Variants in PDE8A observed in about 807,000 individuals in gnomAD.
PDE8A encodes phosphodiesterase 8A.
A neutral mutation model predicts 105.0 loss-of-function variants in PDE8A; 59 were observed. That is an observed-to-expected ratio of 0.56 (90% confidence interval 0.46 to 0.70). The LOEUF (loss-of-function observed/expected upper bound fraction) is 0.70, where lower values mean the gene tolerates loss of function less well. Ranked by LOEUF, PDE8A falls within the 30% of genes least tolerant of loss-of-function variation. The probability of loss-of-function intolerance (pLI) is 0.00; values close to 1 mark genes in which losing one functional copy is unlikely to be tolerated. For missense variants in PDE8A, 1,014 were observed against 1,045.9 expected (o/e 0.97, Z 0.42); for synonymous variants, 355 against 371.9 (o/e 0.95, Z 0.52).
intron 1 of PDE8A, among the ~76,000 whole-genome samples, chr15:85,054,883 ATTC>A (rs966036889): frequency 6.6e-6 from 1 of 151,836 alleles, no homozygotes; most frequent in African/African-American, 2.4e-5. Context: ...TGCTTCTCTA[ATTC>A]TTCTATTTGT....
Position 84,993,282 on chromosome 15 carries a change from A to G in PDE8A, c.186+10934A>G, listed in dbSNP as rs181361991. ...CACGGTGAAACCCCGTCTCTTCTAA[A>G]AATACAAAAAATTAGCCGGGTGTGG... is the stretch of plus-strand genomic sequence containing the variant. On this transcript the variant is annotated intron_variant, in intron 1 of 21. Transcript: ENST00000394553. Among the ~76,000 whole-genome samples the G allele has an allele frequency of 4.8e-3, 730 of 151,992 alleles. 17 individuals are homozygous for G. The East Asian group carries it at 0.075, about 16-fold the overall frequency.
intron 2 of PDE8A, among the ~76,000 whole-genome samples, chr15:85,066,403 A>C (rs996163501): frequency 6.6e-6 from 1 of 152,010 alleles, no homozygotes; most frequent in African/African-American, 2.4e-5. Context: ...TCTACTGAAA[A>C]TACAAAAATT....
intron 1 of PDE8A, among the ~76,000 whole-genome samples, chr15:85,035,134 C>G (rs1394941584): frequency 6.7e-6 from 1 of 148,444 alleles, no homozygotes; most frequent in Non-Finnish European, 1.5e-5. Flanking sequence ...CTGAGCAACT[C>G]AAAACCTGGT....
intron 1 of PDE8A, among the ~76,000 whole-genome samples, chr15:85,040,773 A>T (rs960791897): frequency 6.6e-6 from 1 of 151,812 alleles, no homozygotes; most frequent in East Asian, 2.0e-4. Flanking sequence ...GTTAGCCAGG[A>T]TGGTCTCGAT....
intron 1 of PDE8A, among the ~76,000 whole-genome samples, chr15:84,983,956 A>C (rs1337719629): frequency 2.0e-5 from 3 of 152,240 alleles, no homozygotes; most frequent in Non-Finnish European, 4.4e-5. Context: ...TACTTACTTC[A>C]ACCATTCTTC....
At chr15:85,018,767 T>C (rs1039623309) in intron 1 of PDE8A, among the ~76,000 whole-genome samples, 18 of 152,182 alleles carry the variant, frequency 1.2e-4, no homozygotes, top group African/African-American at 4.3e-4. Flanking sequence ...GGATGACAAA[T>C]AGCAAGTTGT....
intron 5 of PDE8A, among the ~76,000 whole-genome samples, chr15:85,078,407 A>G (rs1272834869): frequency 1.3e-5 from 2 of 151,974 alleles, no homozygotes; most frequent in African/African-American, 4.8e-5. Flanking sequence ...TTAGCTGGGC[A>G]TGGTGGTGCA....
chr15:85,064,552 T>G (rs537535316), intron 2 of PDE8A, 126 bp downstream of exon 2: 325 of 644,160 alleles, frequency 5.0e-4, no homozygotes, highest in Middle Eastern at 2.8e-3. Context: ...AATGTTAAAT[T>G]CCCTGAACTC....
chr15:85,014,391 T>G (rs747556822), intron 1 of PDE8A, among the ~76,000 whole-genome samples: 13 of 152,274 alleles, frequency 8.5e-5, no homozygotes, highest in Middle Eastern at 3.4e-3. Flanking sequence ...ACTTTTTCAT[T>G]TAATACTGAA....
At chr15:85,108,945 T>A (rs1421013802) in intron 11 of PDE8A, 108 bp from the exon 12 acceptor site, 5 of 716,752 alleles carry the variant, frequency 7.0e-6, no homozygotes, top group Non-Finnish European at 1.2e-5. Context: ...TTTTGTGGCA[T>A]TTAAAACATT....
At chr15:84,984,827 A>G (rs2079776086) in intron 1 of PDE8A, among the ~76,000 whole-genome samples, 1 of 152,184 alleles carries the variant, frequency 6.6e-6, no homozygotes, top group Non-Finnish European at 1.5e-5. Flanking sequence ...TGCTGACATG[A>G]TGCTCAAAGG....
At chr15:85,057,152 G>T (rs547468445) in intron 1 of PDE8A, among the ~76,000 whole-genome samples, 1 of 152,256 alleles carries the variant, frequency 6.6e-6, no homozygotes, top group South Asian at 2.1e-4. Context: ...AAATGTTGCT[G>T]CCTGATCATC....
intron 11 of PDE8A, among the ~76,000 whole-genome samples, chr15:85,104,239 T>TA (rs1567288201): frequency 6.6e-6 from 1 of 152,152 alleles, no homozygotes; most frequent in African/African-American, 2.4e-5. Context: ...CTGTGGTTTG[T>TA]AGTACCACAC....
At chr15:85,067,551 T>C (rs1014365150) in intron 3 of PDE8A, among the ~76,000 whole-genome samples, 13 of 152,208 alleles carry the variant, frequency 8.5e-5, no homozygotes, top group African/African-American at 2.7e-4. Flanking sequence ...AAATTGTCTT[T>C]TAATGTTCGA....
intron 1 of PDE8A, among the ~76,000 whole-genome samples, chr15:85,002,818 A>G (rs1032481441): frequency 6.6e-6 from 1 of 152,206 alleles, no homozygotes; most frequent in African/African-American, 2.4e-5. Flanking sequence ...GGGGCTTGTT[A>G]GGAATAACAG....
intron 1 of PDE8A, among the ~76,000 whole-genome samples, chr15:85,040,158 A>G (rs2080777577): frequency 6.6e-6 from 1 of 152,158 alleles, no homozygotes. Flanking sequence ...AAAAAGAAAA[A>G]GAAGCTGAGT....
chr15:85,014,124 CTTTCTT>C (rs140715188), intron 1 of PDE8A, among the ~76,000 whole-genome samples: 21,983 of 151,636 alleles, frequency 0.14, 2,048 homozygotes, highest in Middle Eastern at 0.24. Flanking sequence ...TTCTTTCTTC[CTTTCTT>C]TTTCTTTTTC....
intron 1 of PDE8A, among the ~76,000 whole-genome samples, chr15:85,034,231 T>C (rs2080665386): frequency 6.6e-6 from 1 of 152,196 alleles, no homozygotes; most frequent in African/African-American, 2.4e-5. Context: ...TTATATTCAA[T>C]GAAATTGTTT....
Position 84,982,199 on chromosome 15 carries a change from C to G in PDE8A, c.37C>G (p.Leu13Val). The change falls in exon 1 of 22, where the codon CTG becomes GTG. Residue 13 changes from leucine to valine, a missense_variant. Physicochemically the swap from Leu to Val is conservative, Grantham distance 32. Coordinates refer to ENST00000394553, the MANE Select transcript of PDE8A (RefSeq NM_002605.3). ...CAPSIHISER[L>V]VAEDAPSPAA... ...CCCGAGCATCCACATTTCCGAGCGCCTGGTGGCCGAGGACGCGCCTAGCCC... is the reference window on the plus strand; with the variant it reads ...CCCGAGCATCCACATTTCCGAGCGCGTGGTGGCCGAGGACGCGCCTAGCCC... The G allele has an allele frequency of 6.7e-7, 1 of 1,485,506 alleles. No homozygotes were observed. The highest frequency in any genetic ancestry group is 8.9e-7 in the Non-Finnish European group (1 of 1,127,560). The allele number at this position is 1,485,506 out of a possible 1,614,324, so 92.0% of individuals were successfully genotyped here.
Sources: gnomAD v4.1 joint callset for allele counts (sites outside exome capture counted in the v4.1 genomes callset) on GRCh38, gnomAD v4.1.1 for gene constraint, MANE v1.5 for transcripts, NCBI Gene and HGNC (gene_info 2026-07-23, HGNC 2026-07-21) for gene names.